YWHAH: variants seen among roughly 807,000 people sequenced by gnomAD.
YWHAH encodes the protein tyrosine 3-monooxygenase/tryptophan 5-monooxygenase activation protein eta, also known as 14-3-3 protein eta.
A neutral mutation model predicts 22.9 loss-of-function variants in YWHAH; 6 were observed. The observed-to-expected ratio is 0.26, with a 90% CI of 0.14 to 0.52. YWHAH has a LOEUF of 0.52. YWHAH is among the 20% of genes least tolerant of loss of function. YWHAH has a pLI of 0.97. For synonymous variants in YWHAH, 135 were observed against 124.5 expected (o/e 1.08, Z -0.56); for missense variants, 173 against 308.6 (o/e 0.56, Z 3.29).
chr22:31,956,642 C>T lies in YWHAH; in HGVS notation c.591C>T (p.Ala197=), dbSNP rs2093849964. The change falls in exon 2 of 2, where the codon GCC becomes GCT. Residue 197 remains alanine, a synonymous_variant. Coordinates refer to ENST00000248975, the MANE Select transcript of YWHAH (RefSeq NM_003405.4). The surrounding 1 kb of genome is among the most constrained non-coding windows in gnomAD (Gnocchi z 5.1). ...QNAPEQACLL[A]KQAFDDAIAE... is the part of the protein sequence containing the mutation. ...CACCTGAGCAAGCCTGCCTCTTAGC[C>T]AAACAAGCCTTCGATGATGCCATAG... 1 of 1,614,012 alleles carries T rather than the reference C, an allele frequency of 6.2e-7. No individual in the cohort carries two copies. The highest frequency in any genetic ancestry group is 8.5e-7 in the Non-Finnish European group (1 of 1,180,050).
At chr22:31,944,942 GCCGC>G (rs141331119) in intron 1 of YWHAH, 122 bp downstream of exon 1, 46,636 of 1,120,834 alleles carry the variant, frequency 0.042, 3,130 homozygotes, top group African/African-American at 0.3. Flanking sequence ...GCTGGGCGTG[GCCGC>G]CCGCCCGCCC....
At chr22:31,947,377 T>C (rs2093836441) in intron 1 of YWHAH, 1 of 466,436 alleles carries the variant, frequency 2.1e-6, no homozygotes, top group South Asian at 1.6e-5. Flanking sequence ...TTCAGTCTTC[T>C]AACTTGTTTT....
rs1024155417 is a variant in YWHAH, at chr22:31,957,462, T to C, written c.*670T>C. On this transcript the variant is annotated 3_prime_UTR_variant, in exon 2 of 2. Transcript: ENST00000248975. ...ATCATGGATTTATTTTTTGTAACTC[T>C]TTGGCTATTGTCCTTGTGTATCCTG... 6.6e-6 allele frequency: 1 copy of C among 152,634 alleles called. No homozygotes were observed. Among genetic ancestry groups the C allele is most frequent in the Non-Finnish European group, 1.5e-5 (1 of 68,054 alleles). The allele number at this position is 152,634 out of a possible 1,614,324, so 9.5% of individuals were successfully genotyped here.
At position 31,945,650 on chromosome 22, in the gene YWHAH, C is replaced by T. The variant is rs1049738137; in HGVS notation, c.87+830C>T. 1.9e-5 allele frequency: 25 copies of T among 1,286,212 alleles called. 1 individual carries two copies. The highest frequency in any genetic ancestry group is 1.6e-4 in the Admixed American group (7 of 42,700). The allele number at this position is 1,286,212 out of a possible 1,614,324, so 79.7% of individuals were successfully genotyped here. On this transcript the variant is annotated intron_variant, in intron 1 of 1. Transcript: ENST00000248975. ...TTTCTGAGTTCCGGTTACCATCTCA[C>T]TCTCTCTCCACGTTATTTTACGTTT...
intron 1 of YWHAH, chr22:31,945,080 T>G: frequency 9.1e-7 from 1 of 1,093,838 alleles, no homozygotes; most frequent in Non-Finnish European, 1.1e-6. Context: ...GGCGGGCCGG[T>G]CGGGGTCGCC....
chr22:31,954,464 C>A (rs1414758510), intron 1 of YWHAH, among the ~76,000 whole-genome samples: 1 of 152,138 alleles, frequency 6.6e-6, no homozygotes, highest in Non-Finnish European at 1.5e-5. Context: ...GTTAGCAACT[C>A]TGTTAGGAAC....
chr22:31,945,346 T>G (rs758444424), intron 1 of YWHAH: 73 of 1,250,232 alleles, frequency 5.8e-5, no homozygotes, highest in Non-Finnish European at 6.4e-5. Flanking sequence ...TTCCCACGCC[T>G]GGGGGTCTGG....
At chr22:31,954,611 C>T (rs1288057525) in intron 1 of YWHAH, among the ~76,000 whole-genome samples, 1 of 152,152 alleles carries the variant, frequency 6.6e-6, no homozygotes, top group South Asian at 2.1e-4. Context: ...GCAGGCCACG[C>T]TCCCTCTGAA....
In YWHAH at chr22:31,944,827, G is replaced by C. The variant is rs1311940067; in HGVS notation, c.87+7G>C. 7.3e-7 allele frequency: 1 copy of C among 1,371,290 alleles called. No individual in the cohort carries two copies. Among genetic ancestry groups the C allele is most frequent in the Admixed American group, 2.6e-5 (1 of 37,908 alleles). 84.9% of individuals were successfully genotyped at this position (1,371,290 alleles called of 1,614,324 possible). ...GGCCTCCGCTATGAAGGCGGTGAGCGCGCCGGGAGCCCGGGCGGCTGGCCG... is the reference window on the plus strand; with the variant it reads ...GGCCTCCGCTATGAAGGCGGTGAGCCCGCCGGGAGCCCGGGCGGCTGGCCG... On this transcript the variant is annotated splice_region_variant and intron_variant, in intron 1 of 1. Transcript: ENST00000248975.
chr22:31,945,708 A>G (rs1289096129), intron 1 of YWHAH: 13 of 1,234,772 alleles, frequency 1.1e-5, no homozygotes, highest in Admixed American at 2.5e-5. Flanking sequence ...CCCTGCGTCA[A>G]GGTCACACAG....
intron 1 of YWHAH, among the ~76,000 whole-genome samples, chr22:31,952,121 G>C (rs559820306): frequency 6.6e-6 from 1 of 152,230 alleles, no homozygotes; most frequent in Non-Finnish European, 1.5e-5. Context: ...GTCTAGGCCT[G>C]TCTGTAAAAT....
chr22:31,945,440 C>T, intron 1 of YWHAH: 1 of 1,303,968 alleles, frequency 7.7e-7, no homozygotes, highest in Non-Finnish European at 1.0e-6. Context: ...CCCCACTCCA[C>T]AGCCCCAGGT....
rs779321639 is a variant in YWHAH, at chr22:31,944,735, TGGG to T, written c.5_7del (p.Gly2?). On this transcript the variant is annotated start_lost and inframe_deletion, in exon 1 of 2. Coordinates refer to ENST00000248975, the MANE Select transcript of YWHAH (RefSeq NM_003405.4). ...AGGCGAGGCCGAGCCGCGAGCGACATGGGGGACCGGGAGCAGCTGCTGCAGCGG... is the reference window on the plus strand; with the variant it reads ...AGGCGAGGCCGAGCCGCGAGCGACATGGACCGGGAGCAGCTGCTGCAGCGG... The T allele has an allele frequency of 7.1e-7, 1 of 1,407,730 alleles. No individual in the cohort carries two copies. Among genetic ancestry groups the T allele is most frequent in the Non-Finnish European group, 9.3e-7 (1 of 1,073,728 alleles). 87.2% of individuals were successfully genotyped at this position (1,407,730 alleles called of 1,614,324 possible).
intron 1 of YWHAH, among the ~76,000 whole-genome samples, chr22:31,954,774 C>T (rs1004469066): frequency 7.2e-5 from 11 of 152,138 alleles, no homozygotes; most frequent in Non-Finnish European, 8.8e-5. Flanking sequence ...ATCTCACTAT[C>T]CTTATAAGGA....
Position 31,950,076 on chromosome 22 carries a change from C to CTTTTTT in YWHAH, c.87+5289_87+5294dup, listed in dbSNP as rs557406783. 8.3e-4 allele frequency among the ~76,000 whole-genome samples: 35 copies of CTTTTTT among 42,192 alleles called. 7 individuals are homozygous for CTTTTTT. Among genetic ancestry groups the CTTTTTT allele is most frequent in the Non-Finnish European group, 1.5e-3 (31 of 20,410 alleles). 27.7% of individuals were successfully genotyped at this position (42,192 alleles called of 152,430 possible). ...TTGCTTGTTCTGAAGGCTTGGAGGC[C>CTTTTTT]TTTTTTTTTTTTTTTTTTTTTTTTT... On this transcript the variant is annotated intron_variant, in intron 1 of 1. Coordinates refer to ENST00000248975, the MANE Select transcript of YWHAH (RefSeq NM_003405.4).
At chr22:31,952,653 T>A (rs1231446798) in intron 1 of YWHAH, among the ~76,000 whole-genome samples, 2 of 152,230 alleles carry the variant, frequency 1.3e-5, no homozygotes, top group East Asian at 3.8e-4. Context: ...CTGATAGTGA[T>A]TCATTCAGAC....
At chr22:31,945,118 G>T (rs2093831881) in intron 1 of YWHAH, 16 of 1,077,464 alleles carry the variant, frequency 1.5e-5, no homozygotes, top group Non-Finnish European at 1.7e-5. Context: ...CCGGCCGGGG[G>T]CAGAGGGTGC....
chr22:31,944,989 C>G, intron 1 of YWHAH, 169 bp downstream of exon 1: 1 of 1,120,520 alleles, frequency 8.9e-7, no homozygotes. Context: ...GCTGGGCGCC[C>G]CGCCACTTCC....
chr22:31,944,947 C>T, intron 1 of YWHAH, 127 bp downstream of exon 1: 1 of 1,095,526 alleles, frequency 9.1e-7, no homozygotes, highest in East Asian at 4.4e-5. Context: ...GCGTGGCCGC[C>T]CGCCCGCCCT....
Sources: allele counts gnomAD v4.1 joint callset (sites outside exome capture counted in the v4.1 genomes callset), GRCh38; gene constraint gnomAD v4.1.1; non-coding constraint Gnocchi (gnomAD v3.1); transcripts MANE v1.5; gene names NCBI Gene and HGNC (gene_info 2026-07-23, HGNC 2026-07-21).